STOML3: variants seen among roughly 807,000 people sequenced by gnomAD.
The protein encoded by STOML3 is stomatin-like protein 3.
A neutral mutation model predicts 29.5 loss-of-function variants in STOML3; 31 were observed. That is an observed-to-expected ratio of 1.05 (90% CI 0.79 to 1.42). The LOEUF (loss-of-function observed/expected upper bound fraction) is 1.42, where lower values mean the gene tolerates loss of function less well. STOML3 is among the 40% of genes most tolerant of loss of function. STOML3 has a pLI of 0.00. For missense variants in STOML3, 380 were observed against 363.0 expected (o/e 1.05, Z -0.38); for synonymous variants, 122 against 139.8 (o/e 0.87, Z 0.90).
chr13:38,971,336 G>A (rs1566203995), intron 4 of STOML3, among the ~76,000 whole-genome samples: 1 of 151,994 alleles, frequency 6.6e-6, no homozygotes. Flanking sequence ...TCTGACCTGG[G>A]GCTGAATTCA....
intron 3 of STOML3, 42 bp downstream of exon 3, chr13:38,976,498 G>A: frequency 2.5e-6 from 4 of 1,599,918 alleles, no homozygotes; most frequent in Non-Finnish European, 2.6e-6. Flanking sequence ...GTAGTATTAG[G>A]TGTCCCTGAT....
At chr13:38,982,088 A>G (rs1293034500) in intron 1 of STOML3, among the ~76,000 whole-genome samples, 1 of 152,196 alleles carries the variant, frequency 6.6e-6, no homozygotes, top group African/African-American at 2.4e-5. Flanking sequence ...CAAGAAAAAA[A>G]GACAAAACTA....
At chr13:38,967,882 G>C (rs1593495839) in intron 6 of STOML3, among the ~76,000 whole-genome samples, 1 of 152,188 alleles carries the variant, frequency 6.6e-6, no homozygotes, top group East Asian at 1.9e-4. Context: ...TTCAGAGCCA[G>C]GGTGCACTTA....
At chr13:38,985,911 C>CTTTTTTTTTTTTTTTTTTTTTTTTTTT (rs1170409048) in intron 1 of STOML3, among the ~76,000 whole-genome samples, 2 of 85,610 alleles carry the variant, frequency 2.3e-5, no homozygotes, top group African/African-American at 4.5e-5. Context: ...TCTTTTCTTT[C>CTTTTTTTTTTTTTTTTTTTTTTTTTTT]TTTTTTTTTT....
chr13:38,978,585 A>G (rs1021292509), intron 1 of STOML3, among the ~76,000 whole-genome samples: 2 of 152,152 alleles, frequency 1.3e-5, no homozygotes, highest in African/African-American at 4.8e-5. Flanking sequence ...AGATATCCCC[A>G]GCCAGCTCAC....
In STOML3 at chr13:38,972,660, A is replaced by C. The variant is rs112726882; in HGVS notation, c.230-66T>G. On this transcript the variant is annotated intron_variant, in intron 3 of 6. Coordinates refer to ENST00000379631, the MANE Select transcript of STOML3 (RefSeq NM_145286.3). ...AAATAACTACAAGTAGTCTCATAGC[A>C]GCATAGTGCATCATTTACATGGGGC... 2.8e-4 allele frequency: 393 copies of C among 1,383,166 alleles called. 1 individual carries two copies. The African/African-American group carries it at 4.9e-3, about 17-fold the overall frequency. 85.7% of individuals were successfully genotyped at this position (1,383,166 alleles called of 1,614,324 possible). A position where few individuals can be genotyped will look rare whatever the true frequency, so the allele number is the denominator to read the frequency against.
chr13:38,977,371 T>A (rs1881118057), intron 1 of STOML3, among the ~76,000 whole-genome samples: 1 of 152,220 alleles, frequency 6.6e-6, no homozygotes, highest in East Asian at 1.9e-4. Context: ...ATCTGTAGAA[T>A]GGGGCTAGAA....
At chr13:38,971,077 G>C (rs149122709) in intron 4 of STOML3, among the ~76,000 whole-genome samples, 6,423 of 151,786 alleles carry the variant, frequency 0.042, 456 homozygotes, top group African/African-American at 0.15. Context: ...CCGTCACCCA[G>C]GCTGGACTGC....
At chr13:38,970,888 G>A (rs1407897398) in intron 4 of STOML3, among the ~76,000 whole-genome samples, 1 of 152,128 alleles carries the variant, frequency 6.6e-6, no homozygotes, top group Non-Finnish European at 1.5e-5. Context: ...CAATCATTCT[G>A]AATAATGTGA....
At position 38,970,170 on chromosome 13, in the gene STOML3, T is replaced by C; in HGVS notation, c.516+15A>G. 2.5e-6 allele frequency: 4 copies of C among 1,605,508 alleles called. No homozygotes were observed. The highest frequency in any genetic ancestry group is 3.4e-6 in the Non-Finnish European group (4 of 1,174,104). ...CAAGTTAAAGATACAGGCTATTAGT[T>C]CATGGTGTCTTTACCTGGATGCTAT... On this transcript the variant is annotated intron_variant, in intron 5 of 6. Coordinates refer to ENST00000379631, the MANE Select transcript of STOML3 (RefSeq NM_145286.3).
rs141506128 is a variant in STOML3, at chr13:38,990,692, C to T, written c.30G>A (p.Lys10=). Reference sequence around the variant, plus strand: ...TACCCACGAAATTCTCTTTATCTTGCTTCTCAGGTGAAGACACCCTAGAAT... The same window carrying T: ...TACCCACGAAATTCTCTTTATCTTGTTTCTCAGGTGAAGACACCCTAGAAT... The part of the protein sequence containing the change: MDSRVSSPE[K]QDKENFVGVN... Residue 10 remains lysine (K), a synonymous_variant, in exon 1 of 7, where the codon AAG becomes AAA. Coordinates refer to ENST00000379631, the MANE Select transcript of STOML3 (RefSeq NM_145286.3). 86 of 1,613,966 alleles carry T rather than the reference C, an allele frequency of 5.3e-5. No individual in the cohort carries two copies. The East Asian group carries it at 1.4e-3, about 26-fold the overall frequency.
intron 4 of STOML3, among the ~76,000 whole-genome samples, chr13:38,970,981 G>T (rs1221844326): frequency 6.6e-6 from 1 of 152,140 alleles, no homozygotes; most frequent in South Asian, 2.1e-4. Flanking sequence ...AGCTAGAAAA[G>T]TCCCTACTGT....
At chr13:38,988,321 T>G (rs1367135092) in intron 1 of STOML3, among the ~76,000 whole-genome samples, 4 of 81,034 alleles carry the variant, frequency 4.9e-5, no homozygotes, top group African/African-American at 2.6e-4. Flanking sequence ...TATAATATAT[T>G]ATATTTTATA....
intron 3 of STOML3, among the ~76,000 whole-genome samples, chr13:38,973,083 G>GC (rs1880939048): frequency 9.1e-6 from 1 of 109,692 alleles, no homozygotes; most frequent in Non-Finnish European, 1.7e-5. Flanking sequence ...ACATGGTGAA[G>GC]CCCCGTCTCT....
chr13:38,982,834 T>C (rs1171548373), intron 1 of STOML3, among the ~76,000 whole-genome samples: 1 of 152,334 alleles, frequency 6.6e-6, no homozygotes, highest in East Asian at 1.9e-4. Context: ...GCAATGTAAA[T>C]GGATAGCTTA....
chr13:38,974,733 T>A (rs1275267584), intron 3 of STOML3, among the ~76,000 whole-genome samples: 1 of 152,152 alleles, frequency 6.6e-6, no homozygotes, highest in East Asian at 1.9e-4. Context: ...CAGAGACACG[T>A]ATGACGAGAG....
chr13:38,989,379 G>A (rs551970245), intron 1 of STOML3, among the ~76,000 whole-genome samples: 11 of 152,170 alleles, frequency 7.2e-5, no homozygotes, highest in Non-Finnish European at 1.0e-4. Flanking sequence ...GAGATCTCCC[G>A]CTTGCATTTC....
At chr13:38,983,045 A>T (rs7987207) in intron 1 of STOML3, among the ~76,000 whole-genome samples, 22,167 of 152,016 alleles carry the variant, frequency 0.15, 1,954 homozygotes, top group African/African-American at 0.24. Context: ...CCTCTGTTAC[A>T]TGAAAATTGT....
At chr13:38,970,588 T>C (rs994453214) in intron 4 of STOML3, among the ~76,000 whole-genome samples, 200 bp from the exon 5 acceptor site, 2 of 152,204 alleles carry the variant, frequency 1.3e-5, no homozygotes, top group Non-Finnish European at 2.9e-5. Flanking sequence ...TCATCATACC[T>C]ACCCCTGTGA....
Sources: allele counts gnomAD v4.1 joint callset (sites outside exome capture counted in the v4.1 genomes callset), GRCh38; gene constraint gnomAD v4.1.1; transcripts MANE v1.5; gene names NCBI Gene and HGNC (gene_info 2026-07-23, HGNC 2026-07-21).